The following MAPKAP1 variants were observed in gnomAD, a reference collection of about 807,000 sequenced individuals.
MAPKAP1 encodes the protein target of rapamycin complex 2 subunit MAPKAP1.
A neutral mutation model predicts 65.7 loss-of-function variants in MAPKAP1; 20 were observed. The observed-to-expected ratio is 0.30, with a 90% CI of 0.21 to 0.44. The LOEUF is 0.44. MAPKAP1 is among the 20% of genes least tolerant of loss of function. MAPKAP1 has a pLI of 1.00. For synonymous variants in MAPKAP1, 222 were observed against 244.3 expected (o/e 0.91, Z 0.85); for missense variants, 423 against 648.0 (o/e 0.65, Z 3.77).
chr9:125,502,339 T>G (rs1214200701), intron 8 of MAPKAP1, among the ~76,000 whole-genome samples: 1 of 152,104 alleles, frequency 6.6e-6, no homozygotes, highest in African/African-American at 2.4e-5. Flanking sequence ...TGACCTCAGG[T>G]GATCCACCGG....
At chr9:125,695,661 T>C (rs1835360864) in intron 1 of MAPKAP1, among the ~76,000 whole-genome samples, 1 of 152,160 alleles carries the variant, frequency 6.6e-6, no homozygotes, top group Non-Finnish European at 1.5e-5. Context: ...AGAATCAGTA[T>C]GCGCATTTGA....
At chr9:125,518,707 A>G (rs918002339) in intron 7 of MAPKAP1, among the ~76,000 whole-genome samples, 1 of 152,214 alleles carries the variant, frequency 6.6e-6, no homozygotes, top group Admixed American at 6.5e-5. Flanking sequence ...CATGGGAAGA[A>G]TTCTATGATA....
chr9:125,598,344 G>A (rs1296450409), intron 4 of MAPKAP1, among the ~76,000 whole-genome samples: 1 of 152,098 alleles, frequency 6.6e-6, no homozygotes, highest in African/African-American at 2.4e-5. Flanking sequence ...AAATTAATTT[G>A]TCAAAAACAT....
intron 4 of MAPKAP1, among the ~76,000 whole-genome samples, chr9:125,621,547 T>C (rs1024013648): frequency 1.3e-5 from 2 of 152,220 alleles, no homozygotes; most frequent in African/African-American, 4.8e-5. Flanking sequence ...AGTAAATGCT[T>C]AATTAATGCT....
intron 5 of MAPKAP1, among the ~76,000 whole-genome samples, chr9:125,560,190 A>T (rs960422875): frequency 9.9e-5 from 15 of 152,268 alleles, no homozygotes; most frequent in Admixed American, 3.9e-4. Context: ...AAATGTAAAA[A>T]ATATATATAT....
At chr9:125,686,724 C>A (rs116366091) in intron 1 of MAPKAP1, among the ~76,000 whole-genome samples, 1 of 152,134 alleles carries the variant, frequency 6.6e-6, no homozygotes, top group Non-Finnish European at 1.5e-5. Flanking sequence ...TCTTTTTTGA[C>A]GAAGAATTGT....
intron 4 of MAPKAP1, among the ~76,000 whole-genome samples, chr9:125,607,547 A>T (rs958978919): frequency 6.6e-6 from 1 of 152,252 alleles, no homozygotes; most frequent in African/African-American, 2.4e-5. Flanking sequence ...CAGCTAGTGA[A>T]GCGAGGATGC....
chr9:125,608,677 G>A (rs1320828276), intron 4 of MAPKAP1, among the ~76,000 whole-genome samples: 3 of 152,134 alleles, frequency 2.0e-5, no homozygotes, highest in Admixed American at 6.6e-5. Context: ...CTGCTTTTCC[G>A]ACGCCTGCGC....
intron 6 of MAPKAP1, among the ~76,000 whole-genome samples, chr9:125,555,171 T>C (rs866882471): frequency 3.3e-5 from 5 of 152,232 alleles, no homozygotes; most frequent in African/African-American, 1.2e-4. Context: ...AACTTTGTAT[T>C]TGCATGTATC....
chr9:125,685,944 T>C (rs1438465725), intron 1 of MAPKAP1, among the ~76,000 whole-genome samples: 1 of 152,218 alleles, frequency 6.6e-6, no homozygotes. Context: ...TCCTCAGCGT[T>C]TGAAGTTTGC....
At chr9:125,648,982 T>TTAGA (rs1833813034) in intron 4 of MAPKAP1, among the ~76,000 whole-genome samples, 1 of 152,144 alleles carries the variant, frequency 6.6e-6, no homozygotes, top group African/African-American at 2.4e-5. Context: ...TCTCTGAGAA[T>TTAGA]TAGAACACTT....
intron 7 of MAPKAP1, among the ~76,000 whole-genome samples, chr9:125,519,363 C>T (rs370921326): frequency 4.3e-4 from 65 of 152,184 alleles, no homozygotes; most frequent in African/African-American, 1.5e-3. Context: ...CAGCTGGGTG[C>T]GGTTGCTCGT....
chr9:125,529,233 A>G (rs1829866795), intron 7 of MAPKAP1, among the ~76,000 whole-genome samples: 2 of 151,958 alleles, frequency 1.3e-5, no homozygotes, highest in Admixed American at 1.3e-4. Flanking sequence ...GGAAGGACTA[A>G]CAAAAGCCAG....
At chr9:125,470,336 C>T (rs1239442344) in intron 9 of MAPKAP1, among the ~76,000 whole-genome samples, 1 of 152,178 alleles carries the variant, frequency 6.6e-6, no homozygotes, top group African/African-American at 2.4e-5. Context: ...TGGTTCTGGG[C>T]TCCCATGTAT....
At chr9:125,459,212 C>T (rs1305865367) in intron 10 of MAPKAP1, among the ~76,000 whole-genome samples, 5 of 144,974 alleles carry the variant, frequency 3.4e-5, no homozygotes, top group Admixed American at 1.4e-4. Flanking sequence ...ACATCTCAGA[C>T]GATGGGCGGC....
chr9:125,672,244 T>C (rs536643221), intron 2 of MAPKAP1, 72 bp downstream of exon 2: 3 of 1,528,766 alleles, frequency 2.0e-6, no homozygotes, highest in African/African-American at 2.7e-5. Context: ...CCTATTCCAA[T>C]ATTATGCATT....
rs1045165292 is a variant in MAPKAP1, at chr9:125,521,485, G to A, written c.959-15068C>T. 2.5e-5 allele frequency: 31 copies of A among 1,253,692 alleles called. No individual in the cohort carries two copies. The African/African-American group carries it at 4.7e-4, about 19-fold the overall frequency. 77.7% of individuals were successfully genotyped at this position (1,253,692 alleles called of 1,614,324 possible). ...ACAGATGGTTTTGTGGAAATAAACA[G>A]TCATTTATTTTAAACAATTGTAAAA... On this transcript the variant is annotated intron_variant, in intron 7 of 11. Transcript: ENST00000265960.
At chr9:125,467,395 A>AG (rs1436310421) in intron 10 of MAPKAP1, among the ~76,000 whole-genome samples, 1 of 152,268 alleles carries the variant, frequency 6.6e-6, no homozygotes, top group Non-Finnish European at 1.5e-5. Context: ...ATCTACTTTG[A>AG]TAATTTAAGC....
In MAPKAP1 at chr9:125,676,418, T is replaced by C. The variant is rs145214250; in HGVS notation, c.-69-3775A>G. Among the ~76,000 whole-genome samples, 305 of 152,366 alleles carry C rather than the reference T, an allele frequency of 2.0e-3. 1 individual carries two copies. The highest frequency in any genetic ancestry group is 7.0e-3 in the African/African-American group (290 of 41,582). On this transcript the variant is annotated intron_variant, in intron 1 of 11. Coordinates refer to ENST00000265960, the MANE Select transcript of MAPKAP1 (RefSeq NM_001006617.3). ...GGTAGAGGGTGAACAAAATGTGGTA[T>C]ATAACGATGGAATATTGTTCAGCCT... is the stretch of plus-strand genomic sequence containing the variant.
Sources: gnomAD v4.1 joint callset for allele counts (sites outside exome capture counted in the v4.1 genomes callset) on GRCh38, gnomAD v4.1.1 for gene constraint, MANE v1.5 for transcripts, NCBI Gene and HGNC (gene_info 2026-07-23, HGNC 2026-07-21) for gene names.